Variants in MAGI1 observed in about 807,000 individuals in gnomAD.
The protein encoded by MAGI1 is membrane associated guanylate kinase, WW and PDZ domain containing 1.
A neutral mutation model predicts 139.9 loss-of-function variants in MAGI1; 58 were observed. That is an observed-to-expected ratio of 0.41 (90% CI 0.34 to 0.52). The LOEUF is 0.52. Among genes scored for constraint, MAGI1 ranks in the 20% least tolerant of loss-of-function variants. MAGI1 has a pLI of 0.12. For missense variants in MAGI1, 1,874 were observed against 1,901.6 expected (o/e 0.99, Z 0.27); for synonymous variants, 812 against 737.9 (o/e 1.10, Z -1.63).
At chr3:65,447,445 T>A (rs1948745197) in intron 7 of MAGI1, among the ~76,000 whole-genome samples, 3 of 152,194 alleles carry the variant, frequency 2.0e-5, no homozygotes, top group African/African-American at 7.2e-5. Flanking sequence ...AGATGCTGCA[T>A]CACTATATAA....
intron 1 of MAGI1, among the ~76,000 whole-genome samples, chr3:65,996,146 C>A (rs2066437518): frequency 6.6e-6 from 1 of 152,148 alleles, no homozygotes; most frequent in South Asian, 2.1e-4. Context: ...AACTTCGCAA[C>A]TGGGCAACTA....
At chr3:65,978,088 A>G (rs2065356937) in intron 1 of MAGI1, among the ~76,000 whole-genome samples, 1 of 152,208 alleles carries the variant, frequency 6.6e-6, no homozygotes, top group Non-Finnish European at 1.5e-5. Context: ...ATGTGTGCAC[A>G]CAAGATGGTA....
At chr3:66,023,328 T>C (rs1259816586) in intron 1 of MAGI1, among the ~76,000 whole-genome samples, 2 of 152,224 alleles carry the variant, frequency 1.3e-5, no homozygotes, top group Admixed American at 1.3e-4. Flanking sequence ...ATTGGACTTT[T>C]GCTGACAATT....
At chr3:65,780,334 T>C (rs549812273) in intron 1 of MAGI1, among the ~76,000 whole-genome samples, 34 of 152,332 alleles carry the variant, frequency 2.2e-4, no homozygotes, top group African/African-American at 7.5e-4. Flanking sequence ...TATGCTGTCA[T>C]CTTAAGATAT....
intron 1 of MAGI1, among the ~76,000 whole-genome samples, chr3:66,013,522 G>A (rs1348251612): frequency 1.3e-5 from 2 of 151,844 alleles, no homozygotes; most frequent in Non-Finnish European, 2.9e-5. Context: ...AGCACTTTGG[G>A]AGGCCAAGGT....
chr3:65,695,500 T>C (rs1427862890), intron 1 of MAGI1, among the ~76,000 whole-genome samples: 1 of 152,232 alleles, frequency 6.6e-6, no homozygotes, highest in Non-Finnish European at 1.5e-5. Flanking sequence ...GCCCATTCCC[T>C]GTTCTTGAAA....
chr3:65,480,673 C>T (rs964242437), intron 3 of MAGI1, among the ~76,000 whole-genome samples: 5 of 150,908 alleles, frequency 3.3e-5, no homozygotes, highest in Admixed American at 2.0e-4. Context: ...GCAACCTTCA[C>T]CTCCCAGGTT....
intron 2 of MAGI1, among the ~76,000 whole-genome samples, chr3:65,611,976 C>G (rs1032861214): frequency 2.6e-5 from 4 of 151,926 alleles, no homozygotes; most frequent in Non-Finnish European, 4.4e-5. Flanking sequence ...TTAGCATAAA[C>G]TTGGTATTCT....
Position 65,357,125 on chromosome 3 carries a change from G to A in MAGI1, c.3642C>T (p.Ser1214=). 1 of 1,607,342 alleles carries A rather than the reference G, an allele frequency of 6.2e-7. No individual in the cohort carries two copies. The highest frequency in any genetic ancestry group is 8.5e-7 in the Non-Finnish European group (1 of 1,176,194). ...GDGSVPEYDP[S]SDRHGPATGP... ...CGGTGGCGGGGCCGTGGCGGTCGCTGCTGGGGTCTGCCAGGAAAATAAACG... is the reference window on the plus strand; with the variant it reads ...CGGTGGCGGGGCCGTGGCGGTCGCTACTGGGGTCTGCCAGGAAAATAAACG... The change falls in exon 23 of 23, where the codon AGC becomes AGT. Residue 1214 remains serine (S), a synonymous_variant. Coordinates refer to ENST00000402939, the MANE Select transcript of MAGI1 (RefSeq NM_001033057.2).
Position 65,852,039 on chromosome 3 carries a change from T to A in MAGI1, c.313+185957A>T, listed in dbSNP as rs561126768. 3.2e-4 allele frequency among the ~76,000 whole-genome samples: 49 copies of A among 152,276 alleles called. No individual in the cohort carries two copies. The Middle Eastern group carries it at 0.01, about 32-fold the overall frequency. ...TAAGTAGGAATAAAAGCGAATACAT[T>A]GAGCTGGAAGTGGGAAGGCTCAAGG... is the stretch of plus-strand genomic sequence containing the variant. On this transcript the variant is annotated intron_variant, in intron 1 of 22. Transcript: ENST00000402939.
chr3:65,378,656 C>T (rs1942771659), intron 17 of MAGI1, among the ~76,000 whole-genome samples: 1 of 151,346 alleles, frequency 6.6e-6, no homozygotes, highest in African/African-American at 2.4e-5. Flanking sequence ...GGTTCCTATT[C>T]AAATTTCTTT....
chr3:65,394,345 C>T (rs759707573), intron 13 of MAGI1, among the ~76,000 whole-genome samples: 21 of 152,314 alleles, frequency 1.4e-4, no homozygotes, highest in Non-Finnish European at 2.6e-4. Flanking sequence ...CTCGGTCAAA[C>T]TGCACCTCTG....
chr3:65,957,926 G>A (rs753190037), intron 1 of MAGI1, among the ~76,000 whole-genome samples: 6 of 151,846 alleles, frequency 4.0e-5, no homozygotes, highest in Admixed American at 6.6e-5. Flanking sequence ...GCAGCACCAC[G>A]CGCAGCTAAT....
At chr3:65,682,211 A>G (rs1031298136) in intron 1 of MAGI1, among the ~76,000 whole-genome samples, 2 of 152,226 alleles carry the variant, frequency 1.3e-5, no homozygotes, top group Non-Finnish European at 2.9e-5. Context: ...GGGCATGCAA[A>G]GCCAGAAAAG....
chr3:65,547,168 T>C (rs1422245723), intron 2 of MAGI1, among the ~76,000 whole-genome samples: 4 of 152,208 alleles, frequency 2.6e-5, no homozygotes, highest in Admixed American at 2.6e-4. Flanking sequence ...TGTGCCAGGC[T>C]CTGTGCTGTT....
intron 1 of MAGI1, among the ~76,000 whole-genome samples, chr3:65,897,419 G>A (rs2061017175): frequency 6.6e-6 from 1 of 151,684 alleles, no homozygotes; most frequent in Admixed American, 6.6e-5. Context: ...ATTCAACAAC[G>A]AGAACACTTG....
intron 2 of MAGI1, among the ~76,000 whole-genome samples, chr3:65,514,100 G>C (rs1352954438): frequency 6.7e-6 from 1 of 148,646 alleles, no homozygotes; most frequent in Non-Finnish European, 1.5e-5. Flanking sequence ...AAATTGGCTA[G>C]CCATATGTAG....
chr3:65,503,908 A>T (rs1030273347), intron 2 of MAGI1, among the ~76,000 whole-genome samples: 2 of 152,176 alleles, frequency 1.3e-5, no homozygotes, highest in African/African-American at 2.4e-5. Flanking sequence ...CCGTCCATGT[A>T]TCCTTTTCCT....
At chr3:65,498,392 T>C (rs1380716802) in intron 2 of MAGI1, among the ~76,000 whole-genome samples, 2 of 152,020 alleles carry the variant, frequency 1.3e-5, no homozygotes, top group African/African-American at 4.8e-5. Context: ...CTTGCAGTTA[T>C]TAGCTTTAAG....
Sources: allele counts gnomAD v4.1 joint callset (sites outside exome capture counted in the v4.1 genomes callset), GRCh38; gene constraint gnomAD v4.1.1; transcripts MANE v1.5; gene names NCBI Gene and HGNC (gene_info 2026-07-23, HGNC 2026-07-21).